The following PTPRM variants were observed in gnomAD, a reference collection of about 807,000 sequenced individuals.
PTPRM encodes protein tyrosine phosphatase receptor type M.
Under a neutral mutation model 186.7 loss-of-function variants are expected in PTPRM, and 47 were observed. The observed-to-expected ratio is 0.25, with a 90% CI of 0.20 to 0.32. The LOEUF is 0.32. Ranked by LOEUF, PTPRM falls within the 10% of genes least tolerant of loss-of-function variation. The pLI, the probability that PTPRM is intolerant of heterozygous loss-of-function variation, is 1.00. For synonymous variants in PTPRM, 668 were observed against 674.9 expected, an observed-to-expected ratio of 0.99 and a Z score of 0.16; for missense variants, 1,494 against 1,865.0, an observed-to-expected ratio of 0.80 and a Z score of 3.66.
At chr18:7,795,719 A>G (rs1340611451) in intron 2 of PTPRM, among the ~76,000 whole-genome samples, 4 of 151,924 alleles carry the variant, frequency 2.6e-5, no homozygotes, top group Non-Finnish European at 5.9e-5. Context: ...GAATGAACAC[A>G]TACTAGTTTA....
chr18:8,063,096 T>C (rs1164350420), intron 7 of PTPRM, among the ~76,000 whole-genome samples: 85 of 151,638 alleles, frequency 5.6e-4, no homozygotes, highest in Non-Finnish European at 7.2e-4. Flanking sequence ...ACTGCTGTGC[T>C]GGCAATCAGC....
At chr18:8,047,370 A>G (rs1020261972) in intron 7 of PTPRM, among the ~76,000 whole-genome samples, 2 of 152,206 alleles carry the variant, frequency 1.3e-5, no homozygotes, top group Admixed American at 6.5e-5. Flanking sequence ...ATTCATTTTT[A>G]TAAGTTTAAT....
At chr18:7,809,107 A>G (rs922576699) in intron 2 of PTPRM, among the ~76,000 whole-genome samples, 2 of 152,134 alleles carry the variant, frequency 1.3e-5, no homozygotes, top group South Asian at 2.1e-4. Context: ...TAAGGATTCA[A>G]TCTCAGTCCC....
At chr18:8,381,441 G>A (rs953245474) in intron 29 of PTPRM, among the ~76,000 whole-genome samples, 2 of 149,942 alleles carry the variant, frequency 1.3e-5, no homozygotes, top group South Asian at 2.1e-4. Context: ...CCTACAATCT[G>A]TTTTCTTGCC....
intron 1 of PTPRM, among the ~76,000 whole-genome samples, chr18:7,594,512 AAAG>A (rs145237763): frequency 0.023 from 3,522 of 152,200 alleles, 143 homozygotes; most frequent in African/African-American, 0.08. Context: ...CAAACAAAAA[AAAG>A]AAGGATAAGA....
intron 1 of PTPRM, among the ~76,000 whole-genome samples, chr18:7,618,581 C>G (rs1403859339): frequency 6.6e-6 from 1 of 152,136 alleles, no homozygotes; most frequent in Non-Finnish European, 1.5e-5. Flanking sequence ...AATCCCCAAA[C>G]CTGTTTGCCC....
intron 7 of PTPRM, among the ~76,000 whole-genome samples, chr18:8,047,772 G>A (rs1479683566): frequency 1.3e-5 from 2 of 152,012 alleles, no homozygotes; most frequent in African/African-American, 4.8e-5. Context: ...GGGACTCCTG[G>A]GGCTGTGCAA....
At chr18:7,592,344 T>C (rs369155421) in intron 1 of PTPRM, among the ~76,000 whole-genome samples, 103 of 152,128 alleles carry the variant, frequency 6.8e-4, no homozygotes, top group African/African-American at 2.3e-3. Context: ...AAGAGAAGAG[T>C]AGGCAATTTT....
chr18:8,230,482 C>G (rs2094273300), intron 14 of PTPRM, among the ~76,000 whole-genome samples: 1 of 152,184 alleles, frequency 6.6e-6, no homozygotes, highest in Non-Finnish European at 1.5e-5. Context: ...ATCATTTTAT[C>G]TCAACATGGG....
rs2049927978 is a variant in PTPRM, at chr18:7,905,382, C to A, written c.469-1123C>A. 2.0e-5 allele frequency among the ~76,000 whole-genome samples: 3 copies of A among 152,188 alleles called. 1 individual carries two copies. In the South Asian group the frequency reaches 6.2e-4, roughly 32 times the overall value. ...TTCTTAGAACCTCCAGGCATGTAGG[C>A]CTTTTCCTCTTCTCTTGCTTCTCCA... On this transcript the variant is annotated intron_variant, in intron 3 of 32. Coordinates refer to ENST00000580170, the MANE Select transcript of PTPRM (RefSeq NM_001105244.2).
In PTPRM at chr18:8,085,621, T is replaced by C. The variant is rs16952866; in HGVS notation, c.1552-50T>C. 4.4e-3 allele frequency: 6,505 copies of C among 1,476,038 alleles called. 237 individuals carry two copies. The African/African-American group carries it at 0.078, about 18-fold the overall frequency. The allele number at this position is 1,476,038 out of a possible 1,614,324, so 91.4% of individuals were successfully genotyped here. A position where few individuals can be genotyped will look rare whatever the true frequency, so the allele number is the denominator to read the frequency against. On this transcript the variant is annotated intron_variant, in intron 9 of 32. Coordinates refer to ENST00000580170, the MANE Select transcript of PTPRM (RefSeq NM_001105244.2). ...AAGGGTTTATTGGATAAAGATGCAA[T>C]CTGAGTCCATCTGCTCCAGATATTT...
intron 1 of PTPRM, among the ~76,000 whole-genome samples, chr18:7,601,614 T>C (rs1165370548): frequency 2.0e-5 from 3 of 152,234 alleles, no homozygotes; most frequent in African/African-American, 7.2e-5. Context: ...TTCTCTTCTG[T>C]GTGTCTCTTT....
At chr18:8,385,679 G>A (rs921805180) in intron 30 of PTPRM, among the ~76,000 whole-genome samples, 3 of 152,212 alleles carry the variant, frequency 2.0e-5, no homozygotes, top group African/African-American at 4.8e-5. Context: ...GGCCCCGGCT[G>A]GAAGGGCCTG....
At chr18:7,892,715 AT>A (rs2049144647) in intron 3 of PTPRM, among the ~76,000 whole-genome samples, 1 of 152,180 alleles carries the variant, frequency 6.6e-6, no homozygotes, top group African/African-American at 2.4e-5. Context: ...AACAGACAAT[AT>A]TTCTCACATT....
chr18:8,030,404 T>C (rs1335948692), intron 7 of PTPRM, among the ~76,000 whole-genome samples: 1 of 151,978 alleles, frequency 6.6e-6, no homozygotes, highest in African/African-American at 2.4e-5. Context: ...TTCAAGGGAG[T>C]GTCCAATAGT....
intron 14 of PTPRM, among the ~76,000 whole-genome samples, chr18:8,182,982 G>A (rs754148285): frequency 6.6e-6 from 1 of 152,112 alleles, no homozygotes; most frequent in Non-Finnish European, 1.5e-5. Flanking sequence ...CGCGCAGTGT[G>A]TCACAAATCT....
chr18:7,713,456 A>T (rs1001063556), intron 1 of PTPRM, among the ~76,000 whole-genome samples: 1 of 152,164 alleles, frequency 6.6e-6, no homozygotes, highest in African/African-American at 2.4e-5. Flanking sequence ...AAGAAACTGC[A>T]TCAACTAACG....
intron 1 of PTPRM, among the ~76,000 whole-genome samples, chr18:7,583,261 G>T (rs2036892265): frequency 6.6e-6 from 1 of 152,168 alleles, no homozygotes; most frequent in East Asian, 1.9e-4. Context: ...TGCCACCTAG[G>T]TGCTAGGTCC....
chr18:7,723,523 C>T (rs1398931954), intron 1 of PTPRM, among the ~76,000 whole-genome samples: 4 of 152,132 alleles, frequency 2.6e-5, no homozygotes, highest in African/African-American at 9.7e-5. Flanking sequence ...AAGAATGAGA[C>T]CTCCACTGAC....
Sources: gnomAD v4.1 joint callset for allele counts (sites outside exome capture counted in the v4.1 genomes callset) on GRCh38, gnomAD v4.1.1 for gene constraint, MANE v1.5 for transcripts, NCBI Gene and HGNC (gene_info 2026-07-23, HGNC 2026-07-21) for gene names.